Variants in GART observed in about 807,000 individuals in gnomAD.
The protein encoded by GART is phosphoribosylglycinamide formyltransferase, phosphoribosylglycinamide synthetase, phosphoribosylaminoimidazole synthetase.
In GART, 43 loss-of-function variants were observed where a neutral mutation model predicts 107.2. The ratio of observed to expected loss-of-function variants is 0.40; its 90% confidence interval spans 0.31 to 0.52. GART has a LOEUF of 0.52. Among genes scored for constraint, GART ranks in the 20% least tolerant of loss-of-function variants. The pLI is 0.52. For missense variants in GART, 1,107 were observed against 1,206.5 expected (o/e 0.92, Z 1.22); for synonymous variants, 434 against 427.0 (o/e 1.02, Z -0.20).
chr21:33,518,586 T>C, intron 14 of GART: 1 of 308,064 alleles, frequency 3.2e-6, no homozygotes, highest in Admixed American at 4.0e-5. Context: ...TTTTATCAGA[T>C]CCATAAACAA....
chr21:33,522,113 T>C, intron 12 of GART, 75 bp downstream of exon 12: 1 of 1,120,908 alleles, frequency 8.9e-7, no homozygotes, highest in South Asian at 1.3e-5. Flanking sequence ...AAAATATTCC[T>C]GTTAAATATA....
intron 8 of GART, 96 bp downstream of exon 8, chr21:33,528,754 G>C: frequency 1.1e-6 from 1 of 930,156 alleles, no homozygotes; most frequent in East Asian, 2.7e-5. Context: ...ATTAAAAAGT[G>C]GTAAAAAAAA....
chr21:33,529,460 T>G (rs1320212064), intron 7 of GART: 3 of 151,552 alleles, frequency 2.0e-5, no homozygotes, highest in Non-Finnish European at 4.4e-5. Context: ...CTTTTTTTTT[T>G]TTTTTTTTTG....
intron 18 of GART, among the ~76,000 whole-genome samples, chr21:33,507,609 G>T (rs2084705152): frequency 6.6e-6 from 1 of 152,120 alleles, no homozygotes; most frequent in African/African-American, 2.4e-5. Flanking sequence ...TCATACTGAG[G>T]TCAAGAGTTC....
At chr21:33,511,748 T>A (rs1178994548) in intron 16 of GART, among the ~76,000 whole-genome samples, 1 of 152,176 alleles carries the variant, frequency 6.6e-6, no homozygotes, top group Non-Finnish European at 1.5e-5. Flanking sequence ...GATGAGCTAG[T>A]AGCTGAATTC....
chr21:33,532,550 T>C, intron 4 of GART, 94 bp from the exon 5 acceptor site: 1 of 890,296 alleles, frequency 1.1e-6, no homozygotes. Context: ...GCTATAGCAA[T>C]GACTGAAAAG....
intron 6 of GART, 195 bp downstream of exon 6, chr21:33,531,294 C>A: frequency 1.7e-6 from 1 of 592,220 alleles, no homozygotes; most frequent in Non-Finnish European, 3.0e-6. Flanking sequence ...CACTAACACA[C>A]TAGGGATGAC....
chr21:33,520,243 A>G (rs2084945861), intron 14 of GART, 121 bp downstream of exon 14: 1 of 776,006 alleles, frequency 1.3e-6, no homozygotes, highest in Non-Finnish European at 2.2e-6. Context: ...CATATCACAT[A>G]TATGCATCTT....
chr21:33,508,661 C>T (rs766216440), intron 18 of GART, among the ~76,000 whole-genome samples: 41 of 151,928 alleles, frequency 2.7e-4, no homozygotes, highest in Non-Finnish European at 4.0e-4. Flanking sequence ...GGACTACAGA[C>T]GTGTGCCACC....
rs773777104 is a variant in GART, at chr21:33,524,731, C to T, written c.1298+38G>A. 2.2e-5 allele frequency: 36 copies of T among 1,613,210 alleles called. No homozygotes were observed. In the South Asian group the frequency reaches 3.7e-4, roughly 17 times the overall value. ...TCTACATAGCCATTTAGGCCAGTTT[C>T]TGAAATGGCACTACAGCTAACTTGC... is the stretch of plus-strand genomic sequence containing the variant. On this transcript the variant is annotated intron_variant, in intron 11 of 21. Transcript: ENST00000381815.
chr21:33,524,669 AAAG>A, intron 11 of GART, 97 bp downstream of exon 11: 1 of 1,535,988 alleles, frequency 6.5e-7, no homozygotes, highest in Non-Finnish European at 8.8e-7. Flanking sequence ...CACAGAGAGA[AAAG>A]AATACTGAAT....
At chr21:33,521,459 G>A (rs540599720) in intron 12 of GART, among the ~76,000 whole-genome samples, 6 of 151,146 alleles carry the variant, frequency 4.0e-5, no homozygotes, top group African/African-American at 7.3e-5. Context: ...GTGAAACCCC[G>A]TCTCTACTAA....
intron 11 of GART, 148 bp from the exon 12 acceptor site, chr21:33,522,430 T>C: frequency 1.6e-6 from 1 of 622,030 alleles, no homozygotes; most frequent in Non-Finnish European, 2.8e-6. Context: ...GGGCCACATC[T>C]ATACAGATTC....
At chr21:33,534,880 T>A in intron 3 of GART, 127 bp from the exon 4 acceptor site, 1 of 750,766 alleles carries the variant, frequency 1.3e-6, no homozygotes, top group Non-Finnish European at 2.0e-6. Context: ...AGAGGATAAC[T>A]AACTTTTTCA....
intron 10 of GART, among the ~76,000 whole-genome samples, chr21:33,526,492 C>T (rs556744429): frequency 6.6e-6 from 1 of 152,026 alleles, no homozygotes; most frequent in African/African-American, 2.4e-5. Flanking sequence ...AACTTCTTTT[C>T]ATCACAGTTA....
chr21:33,521,567 G>A (rs981418175), intron 12 of GART, among the ~76,000 whole-genome samples: 6 of 149,598 alleles, frequency 4.0e-5, no homozygotes, highest in African/African-American at 1.5e-4. Flanking sequence ...AGGAGGCAGA[G>A]CTTGCAGCTA....
In GART at chr21:33,525,083, TC is replaced by T; in HGVS notation, c.1067-84del. The stretch of plus-strand genomic sequence containing the variant: ...AAGTGATTTACGATTTCCACAAGTT[TC>T]TTTTTTTTTTTTTTTAACTTGGCTA... On this transcript the variant is annotated intron_variant, in intron 10 of 21. Coordinates refer to ENST00000381815, the MANE Select transcript of GART (RefSeq NM_000819.5). 1.5e-5 allele frequency: 22 copies of T among 1,456,694 alleles called. No individual in the cohort carries two copies. The South Asian group carries it at 1.9e-4, about 12-fold the overall frequency. The allele number at this position is 1,456,694 out of a possible 1,614,324, so 90.2% of individuals were successfully genotyped here. A position where few individuals can be genotyped will look rare whatever the true frequency, so the allele number is the denominator to read the frequency against.
In GART at chr21:33,526,851, C is replaced by G. The variant is rs368116258; in HGVS notation, c.1066+1316G>C. Among the ~76,000 whole-genome samples the G allele has an allele frequency of 3.3e-5, 5 of 151,768 alleles. No homozygotes were observed. In the East Asian group the frequency reaches 5.8e-4, roughly 18 times the overall value. On this transcript the variant is annotated intron_variant, in intron 10 of 21. Transcript: ENST00000381815. ...CACTTTTTCTTAATTTTTAGAAAAC[C>G]ATTCTTTCATCTCCTGGTGGTCTTC...
At chr21:33,533,448 A>AT (rs1172686255) in intron 4 of GART, among the ~76,000 whole-genome samples, 139 of 150,030 alleles carry the variant, frequency 9.3e-4, no homozygotes, top group Middle Eastern at 3.4e-3. Flanking sequence ...CAAAAAAAAA[A>AT]AAATAAATAA....
Sources: gnomAD v4.1 joint callset for allele counts (sites outside exome capture counted in the v4.1 genomes callset) on GRCh38, gnomAD v4.1.1 for gene constraint, MANE v1.5 for transcripts, NCBI Gene and HGNC (gene_info 2026-07-23, HGNC 2026-07-21) for gene names.